STARD13: variants seen among roughly 807,000 people sequenced by gnomAD.
STARD13 encodes stAR-related lipid transfer protein 13.
A neutral mutation model predicts 106.4 loss-of-function variants in STARD13; 62 were observed. That is an observed-to-expected ratio of 0.58 (90% CI 0.48 to 0.72). The LOEUF is 0.72. Among genes scored for constraint, STARD13 ranks in the 30% least tolerant of loss-of-function variants. STARD13 has a pLI of 0.00. For missense variants in STARD13, 1,387 were observed against 1,424.0 expected (o/e 0.97, Z 0.42); for synonymous variants, 565 against 553.0 (o/e 1.02, Z -0.31).
At chr13:33,323,644 T>C (rs1893638863) in intron 1 of STARD13, among the ~76,000 whole-genome samples, 1 of 152,230 alleles carries the variant, frequency 6.6e-6, no homozygotes, top group African/African-American at 2.4e-5. Flanking sequence ...CTGTCTCTGA[T>C]CTTCTGCTTT....
chr13:33,165,483 G>GATAAA, intron 2 of STARD13, 65 bp from the exon 3 acceptor site: 1 of 1,230,420 alleles, frequency 8.1e-7, no homozygotes, highest in Non-Finnish European at 1.2e-6. Flanking sequence ...AACATATTCA[G>GATAAA]ACCTTCAAGG....
At chr13:33,116,531 G>A (rs1421247117) in intron 8 of STARD13, among the ~76,000 whole-genome samples, 1 of 152,202 alleles carries the variant, frequency 6.6e-6, no homozygotes, top group Non-Finnish European at 1.5e-5. Context: ...CTAAAATAAA[G>A]CCTGCTTTGA....
the STARD13 span, among the ~76,000 whole-genome samples, chr13:33,428,952 GC>G: frequency 6.6e-6 from 1 of 152,144 alleles, no homozygotes; most frequent in African/African-American, 2.4e-5. Flanking sequence ...TCAGAGAAAT[GC>G]ATATCAAAAC....
the STARD13 span, among the ~76,000 whole-genome samples, chr13:33,476,101 C>T: frequency 3.6e-4 from 54 of 152,070 alleles, no homozygotes; most frequent in African/African-American, 5.3e-4. Flanking sequence ...AATTGTGATA[C>T]GGGTACAAAG....
the STARD13 span, among the ~76,000 whole-genome samples, chr13:33,377,975 T>G: frequency 1.3e-5 from 2 of 152,144 alleles, no homozygotes; most frequent in African/African-American, 2.4e-5. Context: ...GGTAGGAATG[T>G]TGGGTAATTT....
chr13:33,127,583 A>G, intron 5 of STARD13, 37 bp from the exon 6 acceptor site: 1 of 1,508,328 alleles, frequency 6.6e-7, no homozygotes. Context: ...CCAGTCACAA[A>G]GTGGACTTGG....
chr13:33,271,832 A>C (rs142848101), intron 1 of STARD13, among the ~76,000 whole-genome samples: 168 of 152,114 alleles, frequency 1.1e-3, no homozygotes, highest in African/African-American at 4.0e-3. Context: ...TAAAACATAC[A>C]AATAAAAAAA....
intron 1 of STARD13, among the ~76,000 whole-genome samples, chr13:33,195,330 C>A (rs1329568299): frequency 1.3e-5 from 2 of 152,206 alleles, no homozygotes; most frequent in Non-Finnish European, 2.9e-5. Context: ...CTCTCTGTAA[C>A]TCAACCAACT....
intron 3 of STARD13, among the ~76,000 whole-genome samples, chr13:33,158,291 A>G (rs1341690298): frequency 6.6e-6 from 1 of 152,216 alleles, no homozygotes; most frequent in Non-Finnish European, 1.5e-5. Context: ...TCCTTAGTAC[A>G]ATACATATTT....
the STARD13 span, among the ~76,000 whole-genome samples, chr13:33,458,970 A>T: frequency 6.6e-6 from 1 of 151,704 alleles, no homozygotes; most frequent in Admixed American, 6.6e-5. Context: ...ACAGGCACAC[A>T]CCACAAGCAT....
intron 1 of STARD13, among the ~76,000 whole-genome samples, chr13:33,242,033 G>A (rs866244004): frequency 4.6e-5 from 7 of 151,594 alleles, no homozygotes; most frequent in African/African-American, 1.2e-4. Context: ...CCTCTGCCCC[G>A]CCGCCCCATC....
chr13:33,346,612 GTTTA>G (rs930247921), downstream of STARD13, among the ~76,000 whole-genome samples: 9 of 151,868 alleles, frequency 5.9e-5, no homozygotes, highest in Admixed American at 4.6e-4. Flanking sequence ...AGGTTTGTTT[GTTTA>G]TTTATTTATT....
chr13:33,294,424 C>G (rs917987269), intron 1 of STARD13, among the ~76,000 whole-genome samples: 57 of 152,194 alleles, frequency 3.7e-4, no homozygotes, highest in African/African-American at 1.4e-3. Flanking sequence ...TGTCTATGAC[C>G]TTCCTCTGAT....
At position 33,110,919 on chromosome 13, in the gene STARD13, G is replaced by C; in HGVS notation, c.2608-12C>G. 1.2e-6 allele frequency: 2 copies of C among 1,609,278 alleles called. No homozygotes were observed. Among genetic ancestry groups the C allele is most frequent in the Non-Finnish European group, 8.5e-7 (1 of 1,177,116 alleles). On this transcript the variant is annotated splice_polypyrimidine_tract_variant and intron_variant, in intron 10 of 13. Transcript: ENST00000336934. ...AACTCGTGTGGAACCTAGACCAACG[G>C]ATGCATGAAAGGGCAACACACTGAG...
At chr13:33,556,470 G>A in the STARD13 span, among the ~76,000 whole-genome samples, 1 of 151,878 alleles carries the variant, frequency 6.6e-6, no homozygotes, top group Non-Finnish European at 1.5e-5. Flanking sequence ...TTGTAGAGAT[G>A]GGGGTCTCAC....
the STARD13 span, among the ~76,000 whole-genome samples, chr13:33,628,313 A>C: frequency 1.3e-5 from 2 of 152,204 alleles, 1 homozygote; most frequent in South Asian, 4.2e-4. Flanking sequence ...TAATTTATTC[A>C]TTAGTATTAA....
chr13:33,641,697 A>G, the STARD13 span, among the ~76,000 whole-genome samples: 3 of 152,180 alleles, frequency 2.0e-5, no homozygotes, highest in African/African-American at 7.2e-5. Context: ...ACCGTGCTGT[A>G]TGGCTGTTTT....
chr13:33,379,047 C>G, the STARD13 span, among the ~76,000 whole-genome samples: 1 of 151,452 alleles, frequency 6.6e-6, no homozygotes, highest in Non-Finnish European at 1.5e-5. Context: ...GAAGTCGAGG[C>G]TGTGGTGAGC....
chr13:33,285,351 T>C (rs1892001340), intron 1 of STARD13, 119 bp downstream of exon 1: 7 of 1,089,442 alleles, frequency 6.4e-6, no homozygotes, highest in Non-Finnish European at 9.3e-6. Context: ...ACGGGTAGTG[T>C]GGCATAGAAA....
Sources: gnomAD v4.1 joint callset for allele counts (sites outside exome capture counted in the v4.1 genomes callset) on GRCh38, gnomAD v4.1.1 for gene constraint, MANE v1.5 for transcripts, NCBI Gene and HGNC (gene_info 2026-07-23, HGNC 2026-07-21) for gene names.